The following SLC2A11 variants were observed in gnomAD, a reference collection of about 807,000 sequenced individuals.
SLC2A11 encodes solute carrier family 2, facilitated glucose transporter member 11.
Under a neutral mutation model 52.1 loss-of-function variants are expected in SLC2A11, and 43 were observed. The ratio of observed to expected loss-of-function variants is 0.82; its 90% confidence interval spans 0.65 to 1.06. SLC2A11 has a LOEUF of 1.06. Ranked by LOEUF, SLC2A11 falls within the 50% of genes least tolerant of loss-of-function variation. The probability of loss-of-function intolerance (pLI) is 0.00; values close to 1 mark genes in which losing one functional copy is unlikely to be tolerated. For missense variants in SLC2A11, 582 were observed against 654.2 expected, an observed-to-expected ratio of 0.89 and a Z score of 1.20; for synonymous variants, 261 against 277.6, an observed-to-expected ratio of 0.94 and a Z score of 0.59.
At chr22:23,869,914 AAAAAG>A (rs2032395266) in intron 3 of SLC2A11, 1 of 690,518 alleles carries the variant, frequency 1.4e-6, no homozygotes, top group African/African-American at 1.8e-5. Flanking sequence ...GGCAAAAGGC[AAAAAG>A]AGCCTGCCTA....
intron 3 of SLC2A11, chr22:23,870,336 G>T (rs550436852): frequency 5.2e-4 from 191 of 366,962 alleles, no homozygotes; most frequent in East Asian, 5.0e-3. Context: ...CCCCAGGACA[G>T]GGGGATGTAG....
At chr22:23,871,956 A>G (rs2032471785) in intron 3 of SLC2A11, 1 of 151,850 alleles carries the variant, frequency 6.6e-6, no homozygotes, top group Non-Finnish European at 1.5e-5. Context: ...CCCAGTTATG[A>G]TGAGTACATG....
In SLC2A11 at chr22:23,883,784, G is replaced by T. The variant is rs79905160; in HGVS notation, c.1006G>T (p.Glu336Ter). The T allele has an allele frequency of 2.7e-5, 41 of 1,539,780 alleles. No individual in the cohort carries two copies. The highest frequency in any genetic ancestry group is 3.2e-5 in the Non-Finnish European group (37 of 1,146,744). The change falls in exon 9 of 12, where the codon GAG (glutamate) becomes TAG (stop). Residue 336 changes from glutamate to a stop codon, truncating the protein, a stop_gained. Coordinates refer to ENST00000316185, the MANE Select transcript of SLC2A11 (RefSeq NM_001024939.4). LOFTEE classifies it high-confidence loss of function. ...TCTGCCTTTGCAGTGTGTGGTAATC[G>T]AGAGGGTGGGTCGGCGCGTGCTGCT... ...LTAVVSCVVI[E>*]RVGRRVLLIG...
At position 23,868,537 on chromosome 22, in the gene SLC2A11, C is replaced by T. The variant is rs139920182; in HGVS notation, c.186C>T (p.Pro62=). The change falls in exon 3 of 12, where the codon CCC becomes CCT. Residue 62 remains proline (P), a synonymous_variant. Coordinates refer to ENST00000316185, the MANE Select transcript of SLC2A11 (RefSeq NM_001024939.4). ...AGGCGCGTACTGGAGAGCCACTGCC[C>T]GATCACCTAGTCCTGCTTATGTGGT... is the stretch of plus-strand genomic sequence containing the variant. The part of the protein sequence containing the change: ...TWQARTGEPL[P]DHLVLLMWSL... The T allele has an allele frequency of 1.8e-5, 29 of 1,614,082 alleles. No homozygotes were observed. Among genetic ancestry groups the T allele is most frequent in the African/African-American group, 1.5e-4 (11 of 74,932 alleles).
chr22:23,866,779 A>C (rs917427672), intron 2 of SLC2A11: 2 of 152,368 alleles, frequency 1.3e-5, no homozygotes, highest in Non-Finnish European at 2.9e-5. Context: ...TTAGCCTGGC[A>C]TGCTGGTATG....
At chr22:23,880,026 A>G (rs2032747044) in intron 6 of SLC2A11, among the ~76,000 whole-genome samples, 3 of 152,164 alleles carry the variant, frequency 2.0e-5, no homozygotes, top group Admixed American at 2.0e-4. Flanking sequence ...AGCCTGGCCA[A>G]CATGGTGAAA....
intron 6 of SLC2A11, 111 bp from the exon 7 acceptor site, chr22:23,882,348 A>C: frequency 1.1e-6 from 1 of 951,840 alleles, no homozygotes; most frequent in Non-Finnish European, 1.5e-6. Flanking sequence ...ACTCAGAGAC[A>C]GAGAGTGAGC....
chr22:23,862,441 G>GT, intron 2 of SLC2A11: 1 of 501,612 alleles, frequency 2.0e-6, no homozygotes, highest in South Asian at 2.9e-5. Flanking sequence ...CTAGTGATGG[G>GT]GGGTCAGCCT....
Position 23,883,804 on chromosome 22 carries a change from G to A in SLC2A11, c.1026G>A (p.Val342=). Reference sequence around the variant, plus strand: ...TAATCGAGAGGGTGGGTCGGCGCGTGCTGCTCATCGGTGGGTACAGCCTGA... The same window carrying A: ...TAATCGAGAGGGTGGGTCGGCGCGTACTGCTCATCGGTGGGTACAGCCTGA... The part of the protein sequence containing the change: ...CVVIERVGRR[V]LLIGGYSLMT... Residue 342 remains valine (V), a synonymous_variant, in exon 9 of 12, where the codon GTG becomes GTA. Transcript: ENST00000316185. 6.4e-7 allele frequency: 1 copy of A among 1,559,916 alleles called. No individual in the cohort carries two copies. Among genetic ancestry groups the A allele is most frequent in the Non-Finnish European group, 8.6e-7 (1 of 1,156,978 alleles).
intron 2 of SLC2A11, chr22:23,868,052 A>G (rs1254639676): frequency 6.7e-6 from 2 of 297,238 alleles, no homozygotes; most frequent in Admixed American, 4.3e-5. Context: ...TGTGGAATGG[A>G]GCCCTTTGAC....
Position 23,882,897 on chromosome 22 carries a change from C to T in SLC2A11, c.993+28C>T, listed in dbSNP as rs1002186539. 2.5e-6 allele frequency: 4 copies of T among 1,580,564 alleles called. No homozygotes were observed. The Admixed American group carries it at 5.2e-5, about 21-fold the overall frequency. ...GAGTCTGGAGGGTGCCCTTCCTCCA[C>T]CAGCCCTGTGGGGAGGGACCCCCAG... On this transcript the variant is annotated intron_variant, in intron 8 of 11. Transcript: ENST00000316185.
intron 3 of SLC2A11, 162 bp downstream of exon 3, chr22:23,868,803 G>A (rs1165642546): frequency 9.0e-6 from 7 of 775,076 alleles, no homozygotes; most frequent in East Asian, 2.7e-5. Flanking sequence ...TGCAAGACAC[G>A]TCTTCAAGGG....
At chr22:23,857,583 C>T (rs568732654), upstream of SLC2A11, 722 of 1,472,662 alleles carry the variant, frequency 4.9e-4, 3 homozygotes, top group Middle Eastern at 2.0e-3. Flanking sequence ...CCAAACCCCC[C>T]CCCCGCGGCG....
chr22:23,868,199 T>A, intron 2 of SLC2A11: 1 of 489,746 alleles, frequency 2.0e-6, no homozygotes, highest in East Asian at 3.3e-5. Context: ...AGGAGTATTG[T>A]GTGAGTAGAG....
chr22:23,864,657 T>C (rs1181597904), intron 2 of SLC2A11, among the ~76,000 whole-genome samples: 2 of 152,182 alleles, frequency 1.3e-5, no homozygotes, highest in Non-Finnish European at 2.9e-5. Context: ...CCCACTTCAG[T>C]GCACACTCAG....
At chr22:23,871,421 AAAAG>A (rs1430800830) in intron 3 of SLC2A11, 6 of 148,902 alleles carry the variant, frequency 4.0e-5, no homozygotes, top group African/African-American at 1.5e-4. Flanking sequence ...AAAAAAAAAA[AAAAG>A]GAAAGGAAAA....
intron 2 of SLC2A11, among the ~76,000 whole-genome samples, chr22:23,863,722 C>G (rs151062485): frequency 1.0e-4 from 15 of 149,750 alleles, no homozygotes; most frequent in African/African-American, 3.2e-4. Flanking sequence ...CGAGCTCAGG[C>G]GCTCAAGCGA....
At chr22:23,870,232 C>T (rs1394080901) in intron 3 of SLC2A11, 1 of 564,782 alleles carries the variant, frequency 1.8e-6, no homozygotes, top group African/African-American at 1.9e-5. Context: ...TCTCATGATA[C>T]CTGGTACAGT....
At chr22:23,874,294 T>A in intron 3 of SLC2A11, among the ~76,000 whole-genome samples, 1 of 152,132 alleles carries the variant, frequency 6.6e-6, no homozygotes, top group Non-Finnish European at 1.5e-5. Flanking sequence ...AGTACCTTCA[T>A]TGTTGCTGTT....
Sources: allele counts gnomAD v4.1 joint callset (sites outside exome capture counted in the v4.1 genomes callset), GRCh38; gene constraint gnomAD v4.1.1; transcripts MANE v1.5; gene names NCBI Gene and HGNC (gene_info 2026-07-23, HGNC 2026-07-21).